ANKRD30B: variants seen among roughly 807,000 people sequenced by gnomAD.
The protein encoded by ANKRD30B is ankyrin repeat domain 30B.
In ANKRD30B, 144 loss-of-function variants were observed where a neutral mutation model predicts 202.2. The ratio of observed to expected loss-of-function variants is 0.71; its 90% CI spans 0.62 to 0.82. The LOEUF is 0.82. Ranked by LOEUF, ANKRD30B falls within the 40% of genes least tolerant of loss-of-function variation. The pLI is 0.00. For synonymous variants in ANKRD30B, 508 were observed against 561.3 expected, an observed-to-expected ratio of 0.91 and a Z score of 1.34; for missense variants, 1,487 against 1,669.1, an observed-to-expected ratio of 0.89 and a Z score of 1.90.
chr18:14,790,500 A>C (rs767422232), intron 15 of ANKRD30B, among the ~76,000 whole-genome samples: 11 of 152,116 alleles, frequency 7.2e-5, no homozygotes, highest in Admixed American at 1.3e-4. Context: ...AGTTTTTGCC[A>C]ATTCAGTATG....
chr18:14,832,469 T>A (rs1970995225), intron 34 of ANKRD30B, among the ~76,000 whole-genome samples: 1 of 152,142 alleles, frequency 6.6e-6, no homozygotes, highest in Non-Finnish European at 1.5e-5. Flanking sequence ...CATTTGAAAA[T>A]TTTAAATTTC....
At chr18:14,938,806 G>A in the ANKRD30B span, among the ~76,000 whole-genome samples, 1 of 152,198 alleles carries the variant, frequency 6.6e-6, no homozygotes, top group Admixed American at 6.5e-5. Flanking sequence ...TGTGGGACTG[G>A]ACAAAGCAGA....
chr18:14,916,626 G>A, the ANKRD30B span, among the ~76,000 whole-genome samples: 2 of 152,104 alleles, frequency 1.3e-5, no homozygotes, highest in East Asian at 3.9e-4. Context: ...GGGAGGTTGT[G>A]ATATAAAAGC....
At chr18:14,790,790 G>T (rs893321860) in intron 15 of ANKRD30B, among the ~76,000 whole-genome samples, 1 of 151,960 alleles carries the variant, frequency 6.6e-6, no homozygotes, top group Non-Finnish European at 1.5e-5. Flanking sequence ...GATTCGGTTT[G>T]CCAGTATTTT....
At chr18:14,937,673 G>A in the ANKRD30B span, among the ~76,000 whole-genome samples, 274 of 152,292 alleles carry the variant, frequency 1.8e-3, 2 homozygotes, top group African/African-American at 6.4e-3. Context: ...TGCTCGAGCC[G>A]GTTCCCGCTC....
At chr18:14,921,815 T>G in the ANKRD30B span, among the ~76,000 whole-genome samples, 1 of 152,092 alleles carries the variant, frequency 6.6e-6, no homozygotes, top group Non-Finnish European at 1.5e-5. Context: ...CACGTGGCCT[T>G]AGGCAATTGG....
chr18:14,831,390 G>A lies in ANKRD30B; in HGVS notation c.2782G>A (p.Gly928Ser), dbSNP rs1272976046. The A allele has an allele frequency of 4.6e-6, 7 of 1,518,114 alleles. No individual in the cohort carries two copies. Among genetic ancestry groups the A allele is most frequent in the Non-Finnish European group, 6.2e-6 (7 of 1,127,170 alleles). The allele number at this position is 1,518,114 out of a possible 1,614,324, so 94.0% of individuals were successfully genotyped here. A position where few individuals can be genotyped will look rare whatever the true frequency, so the allele number is the denominator to read the frequency against. The change falls in exon 34 of 44, where the codon GGC becomes AGC. Residue 928 changes from glycine to serine, a missense_variant. This residue lies in a region of ANKRD30B where 218 missense variants were observed against 320.1 expected (regional missense o/e 0.68). Coordinates refer to ENST00000690538, the MANE Select transcript of ANKRD30B (RefSeq NM_001367607.2). Reference protein sequence around the residue: ...SSVESTFSLFGKPTTENSQST... With the variant: ...SSVESTFSLFSKPTTENSQST... ...TTTATCTTTTTTCTCTAGTCTTTTTGGCAAACCGACTACTGAAAATTCACA... is the reference window on the plus strand; with the variant it reads ...TTTATCTTTTTTCTCTAGTCTTTTTAGCAAACCGACTACTGAAAATTCACA...
the ANKRD30B span, among the ~76,000 whole-genome samples, chr18:14,936,583 T>C: frequency 6.6e-6 from 1 of 152,160 alleles, no homozygotes; most frequent in South Asian, 2.1e-4. Context: ...ATGATAGTCC[T>C]TGCCTTGAAG....
At chr18:14,839,503 C>T (rs1226567061) in intron 36 of ANKRD30B, among the ~76,000 whole-genome samples, 2 of 152,128 alleles carry the variant, frequency 1.3e-5, no homozygotes, top group African/African-American at 2.4e-5. Flanking sequence ...CATCGTCATC[C>T]TCATTTTTCT....
chr18:14,829,247 C>T (rs1970799648), intron 33 of ANKRD30B, among the ~76,000 whole-genome samples: 1 of 152,162 alleles, frequency 6.6e-6, no homozygotes, highest in African/African-American at 2.4e-5. Context: ...ATATTTTAAA[C>T]TCTATTTAAT....
chr18:14,867,722 C>T, the ANKRD30B span, among the ~76,000 whole-genome samples: 2 of 152,074 alleles, frequency 1.3e-5, no homozygotes, highest in Admixed American at 1.3e-4. Flanking sequence ...CCCCAGGGAG[C>T]CCCGGGCACT....
the ANKRD30B span, among the ~76,000 whole-genome samples, chr18:14,932,584 C>G: frequency 1.5e-4 from 23 of 152,172 alleles, no homozygotes; most frequent in South Asian, 2.3e-3. Flanking sequence ...GTGATCCGCC[C>G]GCTTCCCCCT....
chr18:14,880,582 T>TC, the ANKRD30B span, among the ~76,000 whole-genome samples: 22 of 149,762 alleles, frequency 1.5e-4, no homozygotes, highest in African/African-American at 2.2e-4. Flanking sequence ...TTTTTTTTTT[T>TC]CAGGGGGAGT....
intron 12 of ANKRD30B, 32 bp downstream of exon 12, chr18:14,782,646 T>C: frequency 7.0e-7 from 1 of 1,437,348 alleles, no homozygotes; most frequent in Non-Finnish European, 9.5e-7. Flanking sequence ...AAAAGTCTTT[T>C]AACCATATGT....
At chr18:14,908,040 C>T in the ANKRD30B span, among the ~76,000 whole-genome samples, 1 of 152,076 alleles carries the variant, frequency 6.6e-6, no homozygotes, top group African/African-American at 2.4e-5. Flanking sequence ...ATGGTTGATG[C>T]TTTTATACCA....
chr18:14,895,324 CAAT>C, the ANKRD30B span, among the ~76,000 whole-genome samples: 32 of 152,136 alleles, frequency 2.1e-4, no homozygotes, highest in South Asian at 3.3e-3. Context: ...ATTAAAACAA[CAAT>C]GAGATACCTC....
rs536718229 is a variant in ANKRD30B at position 14,852,276 on chromosome 18, C to A, written c.4332C>A (p.Asn1444Lys). Residue 1444 changes from asparagine (N) to lysine (K), a missense_variant, in exon 42 of 44, where the codon AAC (asparagine) becomes AAA (lysine). Around this residue, in one of 6 missense-constraint regions of ANKRD30B, gnomAD observed 182 missense variants for 216.0 expected, o/e 0.84. Transcript: ENST00000690538. ...QQLVYAHKKV[N>K]KSKVTINIQF... The stretch of plus-strand genomic sequence containing the variant: ...TAGTTTATGCACATAAGAAAGTTAA[C>A]AAAAGCAAGGTAACAATTAATATTC... 1.7e-4 allele frequency: 257 copies of A among 1,545,818 alleles called. 1 individual carries two copies. In the African/African-American group the frequency reaches 2.7e-3, roughly 16 times the overall value.
At chr18:14,920,369 C>G in the ANKRD30B span, among the ~76,000 whole-genome samples, 3 of 152,326 alleles carry the variant, frequency 2.0e-5, 1 homozygote, top group South Asian at 6.2e-4. Flanking sequence ...AAGTATTTAA[C>G]TGCACCCTGT....
the ANKRD30B span, among the ~76,000 whole-genome samples, chr18:14,883,325 C>G: frequency 6.7e-6 from 1 of 149,396 alleles, no homozygotes; most frequent in African/African-American, 2.5e-5. Flanking sequence ...AGGTGTCTCT[C>G]TCTCTCTCTG....
Sources: gnomAD v4.1 joint callset for allele counts (sites outside exome capture counted in the v4.1 genomes callset) on GRCh38, gnomAD v4.1.1 for gene constraint, gnomAD v4.1.1 regional missense constraint, MANE v1.5 for transcripts, NCBI Gene and HGNC (gene_info 2026-07-23, HGNC 2026-07-21) for gene names.